Variants in RBM33 observed in about 807,000 individuals in gnomAD.
RBM33 encodes the protein RNA-binding protein 33.
In RBM33, 28 loss-of-function variants were observed where a neutral mutation model predicts 132.6. The ratio of observed to expected loss-of-function variants is 0.21; its 90% CI spans 0.16 to 0.29. The LOEUF is 0.29. RBM33 is among the 10% of genes least tolerant of loss of function. The pLI is 1.00. For missense variants in RBM33, 1,291 were observed against 1,518.5 expected, an observed-to-expected ratio of 0.85 and a Z score of 2.49; for synonymous variants, 634 against 593.0, an observed-to-expected ratio of 1.07 and a Z score of -1.01.
At chr7:155,673,767 C>T (rs1210765510) in intron 3 of RBM33, among the ~76,000 whole-genome samples, 2 of 116,418 alleles carry the variant, frequency 1.7e-5, no homozygotes, top group Non-Finnish European at 3.5e-5. Flanking sequence ...CGCGCATGCG[C>T]GCACACACAC....
chr7:155,739,866 CGCCGCAGCACCA>C lies in RBM33; in HGVS notation c.1892_1903del (p.Pro631_Gln634del). ...CCACCCCAGCACCCACCACAGCACC[CGCCGCAGCACCA>C]GCACCACCACCACCACCACCACCTG... On this transcript the variant is annotated inframe_deletion, in exon 12 of 18. Coordinates refer to ENST00000401878, the MANE Select transcript of RBM33 (RefSeq NM_053043.3). The C allele has an allele frequency of 6.5e-7, 1 of 1,542,994 alleles. No homozygotes were observed. The highest frequency in any genetic ancestry group is 8.7e-7 in the Non-Finnish European group (1 of 1,143,496).
chr7:155,756,085 A>C (rs192633920), intron 14 of RBM33, among the ~76,000 whole-genome samples: 154 of 152,312 alleles, frequency 1.0e-3, no homozygotes, highest in African/African-American at 3.5e-3. Flanking sequence ...TAAAAAGCGA[A>C]CACCACCCTG....
Position 155,780,130 on chromosome 7 carries a change from A to G in RBM33, c.*5089A>G, listed in dbSNP as rs569571950. The G allele has an allele frequency of 6.6e-6, 1 of 152,318 alleles. No homozygotes were observed. The highest frequency in any genetic ancestry group is 2.4e-5 in the African/African-American group (1 of 41,560). The allele number at this position is 152,318 out of a possible 1,614,324, so 9.4% of individuals were successfully genotyped here. ...TTTCTTTTAAACTGCTTTTCATTTT[A>G]AGGGCACCCGTGGCGGAAGCTGGTT... On this transcript the variant is annotated 3_prime_UTR_variant, in exon 18 of 18. Coordinates refer to ENST00000401878, the MANE Select transcript of RBM33 (RefSeq NM_053043.3).
In RBM33 at chr7:155,745,831, G is replaced by GT; in HGVS notation, c.2979+230dup. 1 of 554,840 alleles carries GT rather than the reference G, an allele frequency of 1.8e-6. No individual in the cohort carries two copies. The highest frequency in any genetic ancestry group is 3.2e-6 in the Non-Finnish European group (1 of 311,392). 34.4% of individuals were successfully genotyped at this position (554,840 alleles called of 1,614,324 possible). On this transcript the variant is annotated intron_variant, in intron 14 of 17. Transcript: ENST00000401878. This position sits in a 1 kb window ranked among gnomAD's most constrained non-coding sequence, Gnocchi z 4.1. Reference sequence around the variant, plus strand: ...TGTCATTGTCTGAACGTGCTAGAATGTACTTCCATACACAGACGGTACAGC... The same window carrying GT: ...TGTCATTGTCTGAACGTGCTAGAATGTTACTTCCATACACAGACGGTACAGC...
intron 3 of RBM33, among the ~76,000 whole-genome samples, chr7:155,677,832 A>AGT (rs756923727): frequency 6.6e-6 from 1 of 152,108 alleles, no homozygotes; most frequent in African/African-American, 2.4e-5. Flanking sequence ...TGTGAATGAC[A>AGT]GTGTGTGTGT....
chr7:155,742,856 C>T (rs752496957), intron 13 of RBM33, among the ~76,000 whole-genome samples: 1 of 152,152 alleles, frequency 6.6e-6, no homozygotes, highest in African/African-American at 2.4e-5. Flanking sequence ...TCGGCCAGGG[C>T]GGCCTGTGCA....
intron 9 of RBM33, among the ~76,000 whole-genome samples, chr7:155,724,910 C>T (rs1800736913): frequency 6.6e-6 from 1 of 151,608 alleles, no homozygotes; most frequent in Non-Finnish European, 1.5e-5. Flanking sequence ...TTTGTGTATC[C>T]ATTCACCTGA....
intron 5 of RBM33, among the ~76,000 whole-genome samples, chr7:155,681,420 T>C (rs1457545389): frequency 2.0e-5 from 3 of 152,136 alleles, no homozygotes; most frequent in African/African-American, 7.2e-5. Context: ...TAATTCGTTA[T>C]CTATAATCAG....
In RBM33 at chr7:155,731,099, A is replaced by G. The variant is rs557695413; in HGVS notation, c.1261-6431A>G. Among the ~76,000 whole-genome samples the G allele has an allele frequency of 7.2e-5, 11 of 152,354 alleles. No individual in the cohort carries two copies. In the East Asian group the frequency reaches 2.1e-3, roughly 29 times the overall value. On this transcript the variant is annotated intron_variant, in intron 9 of 17. Transcript: ENST00000401878. Reference sequence around the variant, plus strand: ...GATCACAACCTGTGGCAAAGTAAAAAATCGAACCTTGGTTGACTCTCCGCT... The same window carrying G: ...GATCACAACCTGTGGCAAAGTAAAAGATCGAACCTTGGTTGACTCTCCGCT...
At chr7:155,696,012 G>A (rs892407606) in intron 5 of RBM33, among the ~76,000 whole-genome samples, 1 of 152,122 alleles carries the variant, frequency 6.6e-6, no homozygotes, top group African/African-American at 2.4e-5. Context: ...TTGTTGTAAT[G>A]ACTTTCCTTT....
chr7:155,718,299 A>G, intron 8 of RBM33, 86 bp from the exon 9 acceptor site: 1 of 1,022,304 alleles, frequency 9.8e-7, no homozygotes, highest in Non-Finnish European at 1.6e-6. Context: ...CATAGTATAT[A>G]TTTTATATTA....
chr7:155,655,735 A>T (rs1317225309), intron 1 of RBM33, among the ~76,000 whole-genome samples: 1 of 151,926 alleles, frequency 6.6e-6, no homozygotes, highest in Non-Finnish European at 1.5e-5. Flanking sequence ...TCTGTTTCGT[A>T]CTGAAGTATA....
chr7:155,774,674 T>C lies in RBM33; in HGVS notation c.3464+27T>C, dbSNP rs756523790. 8 of 1,587,380 alleles carry C rather than the reference T, an allele frequency of 5.0e-6. No individual in the cohort carries two copies. In the Admixed American group the frequency reaches 1.0e-4, roughly 20 times the overall value. ...TGACCAGTGTGTTCTGTGCTTGTGG[T>C]GATAAGGGGGCGGGAGCAAGGCCCT... is the stretch of plus-strand genomic sequence containing the variant. On this transcript the variant is annotated intron_variant, in intron 17 of 17. Transcript: ENST00000401878. The surrounding 1 kb of genome is among the most constrained non-coding windows in gnomAD (Gnocchi z 4.2).
At chr7:155,715,126 T>C (rs1800422575) in intron 8 of RBM33, among the ~76,000 whole-genome samples, 1 of 152,154 alleles carries the variant, frequency 6.6e-6, no homozygotes, top group African/African-American at 2.4e-5. Flanking sequence ...TGAGCGTCGC[T>C]GATTGGTGTG....
At chr7:155,771,959 A>G (rs61331989) in intron 16 of RBM33, among the ~76,000 whole-genome samples, 3,691 of 152,206 alleles carry the variant, frequency 0.024, 137 homozygotes, top group African/African-American at 0.083. Context: ...AGTACTTCCA[A>G]AATCCAGATT....
At chr7:155,701,220 A>G (rs977106520) in intron 6 of RBM33, 23 of 517,618 alleles carry the variant, frequency 4.4e-5, no homozygotes, top group Non-Finnish European at 7.4e-5. Flanking sequence ...CTGCTCTTGT[A>G]CATGCTGTGG....
intron 4 of RBM33, among the ~76,000 whole-genome samples, chr7:155,679,872 A>T (rs982261039): frequency 5.6e-4 from 86 of 152,336 alleles, no homozygotes; most frequent in African/African-American, 2.1e-3. Flanking sequence ...ACGATCTTAC[A>T]TGGGAAATGT....
Position 155,738,328 on chromosome 7 carries a change from C to T in RBM33, c.1662C>T (p.Phe554=). The T allele has an allele frequency of 2.5e-6, 4 of 1,614,004 alleles. No individual in the cohort carries two copies. Among genetic ancestry groups the T allele is most frequent in the Non-Finnish European group, 2.5e-6 (3 of 1,179,902 alleles). The change falls in exon 11 of 18, where the codon TTC becomes TTT. Residue 554 remains phenylalanine (F), a synonymous_variant. Transcript: ENST00000401878. ...CTGGGTCGGCAACCACACGGCCCTTCATTCCTCCTAGACAGCCGTTCCTGC... is the reference window on the plus strand; with the variant it reads ...CTGGGTCGGCAACCACACGGCCCTTTATTCCTCCTAGACAGCCGTTCCTGC... ...SQPGSATTRP[F]IPPRQPFLPG... is the part of the protein sequence containing the mutation.
At chr7:155,661,083 CTG>C (rs142134390) in intron 1 of RBM33, among the ~76,000 whole-genome samples, 1,333 of 132,306 alleles carry the variant, frequency 0.01, 22 homozygotes, top group African/African-American at 0.034. Flanking sequence ...AAAATAATTT[CTG>C]TGTGTGTGTG....
Sources: gnomAD v4.1 joint callset for allele counts (sites outside exome capture counted in the v4.1 genomes callset) on GRCh38, gnomAD v4.1.1 for gene constraint, Gnocchi (gnomAD v3.1) non-coding constraint, MANE v1.5 for transcripts, NCBI Gene and HGNC (gene_info 2026-07-23, HGNC 2026-07-21) for gene names.